KAZN: variants seen among roughly 807,000 people sequenced by gnomAD.
KAZN encodes the protein kazrin, periplakin interacting protein.
KAZN carries 40 observed loss-of-function variants against 87.4 expected under a neutral mutation model. That is an observed-to-expected ratio of 0.46 (90% CI 0.36 to 0.60). KAZN has a LOEUF of 0.60. KAZN is among the 20% of genes least tolerant of loss of function. KAZN has a pLI of 0.00. For synonymous variants in KAZN, 466 were observed against 458.3 expected (o/e 1.02, Z -0.22); for missense variants, 898 against 1,073.9 (o/e 0.84, Z 2.29).
chr1:15,073,342 T>C (rs1158040463), intron 8 of KAZN, among the ~76,000 whole-genome samples: 1 of 152,196 alleles, frequency 6.6e-6, no homozygotes, highest in Non-Finnish European at 1.5e-5. Context: ...TTGAACAAGC[T>C]GCCTGGTGTG....
At chr1:14,180,631 G>A in intron 2 of KAZN, 5 of 1,510,140 alleles carry the variant, frequency 3.3e-6, no homozygotes, top group South Asian at 2.6e-5. Context: ...TGGAGAAGGT[G>A]GAATCTTTTT....
chr1:14,608,954 C>T (rs753836890), intron 1 of KAZN, among the ~76,000 whole-genome samples: 8 of 152,118 alleles, frequency 5.3e-5, no homozygotes, highest in Non-Finnish European at 8.8e-5. Context: ...ATCCCCACTC[C>T]TGCCATTTGA....
intron 2 of KAZN, among the ~76,000 whole-genome samples, chr1:14,525,726 AC>A (rs1056251688): frequency 1.3e-5 from 2 of 152,274 alleles, no homozygotes; most frequent in African/African-American, 4.8e-5. Flanking sequence ...AGATCAATCC[AC>A]AAAAGTCAAT....
At chr1:14,340,037 T>A (rs1657571404) in intron 2 of KAZN, among the ~76,000 whole-genome samples, 1 of 152,232 alleles carries the variant, frequency 6.6e-6, no homozygotes, top group African/African-American at 2.4e-5. Flanking sequence ...AGCATTACAG[T>A]GAACACATTT....
chr1:14,426,351 C>T (rs1236155102), intron 2 of KAZN, among the ~76,000 whole-genome samples: 1 of 152,192 alleles, frequency 6.6e-6, no homozygotes, highest in Non-Finnish European at 1.5e-5. Context: ...TCACATGTAT[C>T]ACCACAGGAC....
chr1:14,542,342 C>T (rs1189398308), intron 2 of KAZN, among the ~76,000 whole-genome samples: 1 of 151,004 alleles, frequency 6.6e-6, no homozygotes, highest in African/African-American at 2.4e-5. Flanking sequence ...ATACCTAATG[C>T]TAAATGACCA....
Position 14,847,799 on chromosome 1 carries a change from T to C in KAZN, c.227-112885T>C, listed in dbSNP as rs186646779. ...AGTTGGAGATCAGCCTGGGCAAAAT[T>C]TTGAGACCTCGTCTCTACAAAATAT... is the stretch of plus-strand genomic sequence containing the variant. On this transcript the variant is annotated intron_variant, in intron 1 of 14. Coordinates refer to ENST00000376030, the MANE Select transcript of KAZN (RefSeq NM_201628.3). Among the ~76,000 whole-genome samples the C allele has an allele frequency of 3.7e-4, 56 of 152,210 alleles. No individual in the cohort carries two copies. The South Asian group carries it at 5.4e-3, about 15-fold the overall frequency.
intron 1 of KAZN, among the ~76,000 whole-genome samples, chr1:13,984,301 C>T (rs562266847): frequency 1.3e-4 from 20 of 152,246 alleles, no homozygotes; most frequent in Non-Finnish European, 1.9e-4. Flanking sequence ...TGAGCCACCG[C>T]GCCCGGCCTA....
At chr1:13,913,180 A>G (rs1376690900) in intron 1 of KAZN, among the ~76,000 whole-genome samples, 1 of 152,202 alleles carries the variant, frequency 6.6e-6, no homozygotes, top group Admixed American at 6.5e-5. Flanking sequence ...CAGGAGAGAC[A>G]GAAGCCTAGC....
chr1:14,525,729 AAAGTC>A, intron 2 of KAZN, among the ~76,000 whole-genome samples: 1 of 152,386 alleles, frequency 6.6e-6, no homozygotes, highest in South Asian at 2.1e-4. Flanking sequence ...TCAATCCACA[AAAGTC>A]AATTCAATCC....
At chr1:14,459,610 C>T (rs910700140) in intron 2 of KAZN, among the ~76,000 whole-genome samples, 1 of 152,134 alleles carries the variant, frequency 6.6e-6, no homozygotes, top group Non-Finnish European at 1.5e-5. Flanking sequence ...ACCAATTAAC[C>T]ATGTCTCCCC....
intron 2 of KAZN, among the ~76,000 whole-genome samples, chr1:14,288,389 C>T (rs2100738044): frequency 6.6e-6 from 1 of 152,172 alleles, no homozygotes; most frequent in Non-Finnish European, 1.5e-5. Flanking sequence ...GATTAAATTT[C>T]TCCTAGTTTA....
At position 14,644,096 on chromosome 1, in the gene KAZN, C is replaced by T. The variant is rs1014794990; in HGVS notation, c.226+44873C>T. Among the ~76,000 whole-genome samples the T allele has an allele frequency of 2.0e-5, 3 of 149,444 alleles. No homozygotes were observed. In the East Asian group the frequency reaches 6.0e-4, roughly 30 times the overall value. ...GCGCAATCTCCGCTCACTGCAACCT[C>T]CACCTCTCGGGTTCAAGCAATTCTC... is the stretch of plus-strand genomic sequence containing the variant. On this transcript the variant is annotated intron_variant, in intron 1 of 14. Transcript: ENST00000376030.
intron 13 of KAZN, 34 bp from the exon 14 acceptor site, chr1:15,112,393 C>A: frequency 7.8e-7 from 1 of 1,280,962 alleles, no homozygotes; most frequent in East Asian, 2.5e-5. Context: ...CTGACTGAGC[C>A]TCCCCTGCTG....
intron 2 of KAZN, among the ~76,000 whole-genome samples, chr1:14,979,086 G>A (rs1156259135): frequency 1.3e-5 from 2 of 151,292 alleles, no homozygotes; most frequent in South Asian, 2.1e-4. Flanking sequence ...TGTATTTTTA[G>A]TACAGACAGC....
chr1:14,802,562 C>T (rs964273088), intron 1 of KAZN, among the ~76,000 whole-genome samples: 11 of 152,190 alleles, frequency 7.2e-5, no homozygotes, highest in African/African-American at 2.2e-4. Context: ...ACTATATGCA[C>T]GGAACAGCCC....
intron 1 of KAZN, among the ~76,000 whole-genome samples, chr1:14,177,936 G>A (rs144780896): frequency 1.4e-4 from 21 of 152,054 alleles, no homozygotes; most frequent in African/African-American, 4.3e-4. Flanking sequence ...ATTTTTGATA[G>A]CATTTGGCTG....
At chr1:15,061,349 C>G (rs1335746847) in intron 6 of KAZN, 1 of 152,020 alleles carries the variant, frequency 6.6e-6, no homozygotes, top group Non-Finnish European at 1.5e-5. Flanking sequence ...ATGAAAAGTG[C>G]TTATAAAAAT....
intron 2 of KAZN, among the ~76,000 whole-genome samples, chr1:14,371,389 CATGCT>C (rs1660472702): frequency 6.6e-6 from 1 of 152,106 alleles, no homozygotes; most frequent in Non-Finnish European, 1.5e-5. Flanking sequence ...CAATGGAGAC[CATGCT>C]TTTAGGGATC....
Sources: allele counts gnomAD v4.1 joint callset (sites outside exome capture counted in the v4.1 genomes callset), GRCh38; gene constraint gnomAD v4.1.1; transcripts MANE v1.5; gene names NCBI Gene and HGNC (gene_info 2026-07-23, HGNC 2026-07-21).